The following SLC5A11 variants were observed in gnomAD, a reference collection of about 807,000 sequenced individuals.
SLC5A11 encodes the protein solute carrier family 5 member 11.
SLC5A11 carries 48 observed loss-of-function variants against 69.8 expected under a neutral mutation model. The observed-to-expected ratio is 0.69, with a 90% CI of 0.55 to 0.87. The LOEUF (loss-of-function observed/expected upper bound fraction) is 0.87. Ranked by LOEUF, SLC5A11 falls within the 40% of genes least tolerant of loss-of-function variation. The pLI is 0.00. For missense variants in SLC5A11, 784 were observed against 866.1 expected (o/e 0.91, Z 1.19); for synonymous variants, 319 against 342.4 (o/e 0.93, Z 0.75).
intron 4 of SLC5A11, among the ~76,000 whole-genome samples, chr16:24,870,781 CAAAAAAAAAAAA>C (rs57742222): frequency 1.5e-5 from 1 of 66,548 alleles, no homozygotes; most frequent in Non-Finnish European, 2.7e-5. Context: ...CTCTGTCTCA[CAAAAAAAAAAAA>C]AAAAAAAAAA....
At chr16:24,895,574 A>AGGGAGGGAAGGGAAAAGGAG (rs2049101637) in intron 9 of SLC5A11, among the ~76,000 whole-genome samples, 1 of 103,964 alleles carries the variant, frequency 9.6e-6, no homozygotes, top group Non-Finnish European at 1.9e-5. Context: ...GGGGAGGGGA[A>AGGGAGGGAAGGGAAAAGGAG]GGGAGGGAAG....
intron 8 of SLC5A11, among the ~76,000 whole-genome samples, chr16:24,890,044 A>G (rs1195204074): frequency 2.0e-5 from 3 of 152,204 alleles, no homozygotes; most frequent in African/African-American, 4.8e-5. Flanking sequence ...AGGCAGATTA[A>G]TAGAAGAAAA....
chr16:24,856,964 G>A (rs2059562776), intron 1 of SLC5A11, among the ~76,000 whole-genome samples: 1 of 151,932 alleles, frequency 6.6e-6, no homozygotes, highest in Admixed American at 6.6e-5. Context: ...GGGACTACAG[G>A]CATGCGCCAC....
At chr16:24,910,211 G>C (rs896939623) in intron 14 of SLC5A11, 95 bp from the exon 16 acceptor site, 2 of 1,293,026 alleles carry the variant, frequency 1.5e-6, no homozygotes, top group Non-Finnish European at 2.2e-6. Flanking sequence ...AGACACAAAG[G>C]CTGAGTGTGG....
At chr16:24,884,112 G>A (rs759987745) in exon 8 of SLC5A11, 25 of 1,613,908 alleles carry the variant, frequency 1.5e-5, no homozygotes, top group South Asian at 4.4e-5. Flanking sequence ...TTATAGGAGC[G>A]CTCACCTTGA....
At chr16:24,877,180 C>A in intron 6 of SLC5A11, 78 bp from the exon 8 acceptor site, 1 of 1,580,978 alleles carries the variant, frequency 6.3e-7, no homozygotes. Context: ...GCCCTGATCC[C>A]AGGGAACCTG....
intron 10 of SLC5A11, among the ~76,000 whole-genome samples, chr16:24,905,342 G>A (rs866767113): frequency 1.6e-4 from 24 of 151,388 alleles, no homozygotes; most frequent in Admixed American, 2.6e-4. Flanking sequence ...AGGCTAGGAG[G>A]CTTAGGCAGG....
chr16:24,884,168 G>C, intron 8 of SLC5A11, 37 bp downstream of exon 9: 1 of 1,589,318 alleles, frequency 6.3e-7, no homozygotes. Flanking sequence ...GCGGACAACA[G>C]CACCTCTCTC....
chr16:24,891,059 C>T (rs2048767407), exon 9 of SLC5A11: 3 of 1,613,958 alleles, frequency 1.9e-6, no homozygotes, highest in African/African-American at 1.3e-5. Flanking sequence ...CCCTCTGGTA[C>T]TGGTGCACGG....
At chr16:24,883,926 C>A in intron 7 of SLC5A11, 125 bp from the exon 9 acceptor site, 1 of 794,542 alleles carries the variant, frequency 1.3e-6, no homozygotes, top group Non-Finnish European at 2.1e-6. Flanking sequence ...TCGTGGCCAT[C>A]TTTGCAATCA....
intron 5 of SLC5A11, 131 bp downstream of exon 6, chr16:24,872,350 C>G: frequency 9.6e-7 from 1 of 1,045,340 alleles, no homozygotes; most frequent in South Asian, 1.3e-5. Flanking sequence ...ACTCAGAGGC[C>G]CCAGTAAAGG....
chr16:24,898,841 G>C (rs1161626259), intron 10 of SLC5A11, among the ~76,000 whole-genome samples: 1 of 151,906 alleles, frequency 6.6e-6, no homozygotes, highest in Non-Finnish European at 1.5e-5. Flanking sequence ...TTTAAAGACA[G>C]GGTCTCACTT....
chr16:24,907,192 T>G lies in SLC5A11; in HGVS notation c.1265+17T>G, dbSNP rs765327540. ...TGTGGGCAGGTAAGTCCCCACTGGG[T>G]GGGGCTGGGGCAGGGGGAAGAGAGA... On this transcript the variant is annotated intron_variant, in intron 12 of 15. Transcript: ENST00000347898. The G allele has an allele frequency of 6.2e-7, 1 of 1,612,936 alleles. No homozygotes were observed. Among genetic ancestry groups the G allele is most frequent in the Admixed American group, 1.7e-5 (1 of 59,860 alleles).
intron 7 of SLC5A11, among the ~76,000 whole-genome samples, chr16:24,882,947 A>G (rs7186357): frequency 0.43 from 65,748 of 152,066 alleles, 14,755 homozygotes; most frequent in African/African-American, 0.55. Flanking sequence ...TTCCCAGCCC[A>G]TTTCGAAGAT....
At chr16:24,877,847 G>A (rs1225310478) in intron 7 of SLC5A11, among the ~76,000 whole-genome samples, 1 of 152,230 alleles carries the variant, frequency 6.6e-6, no homozygotes, top group Non-Finnish European at 1.5e-5. Flanking sequence ...AGCCAGGCAT[G>A]ATGGCCCGTG....
At position 24,877,406 on chromosome 16, in the gene SLC5A11, A is replaced by G. The variant is rs373831827; in HGVS notation, c.583+43A>G. 5.4e-5 allele frequency: 81 copies of G among 1,496,274 alleles called. 1 individual carries two copies. In the African/African-American group the frequency reaches 9.7e-4, roughly 18 times the overall value. The allele number at this position is 1,496,274 out of a possible 1,614,324, so 92.7% of individuals were successfully genotyped here. On this transcript the variant is annotated intron_variant, in intron 7 of 15. Coordinates refer to ENST00000347898, the Ensembl canonical transcript of SLC5A11. ...GTAACACCTAGCAGAGGCAGTGGGC[A>G]GGGGCTGTGGGCCACTCTACCTTCT...
chr16:24,905,541 G>A (rs1166757090), intron 10 of SLC5A11, among the ~76,000 whole-genome samples: 6 of 151,858 alleles, frequency 4.0e-5, no homozygotes. Flanking sequence ...TGGGAGGCTG[G>A]AGCCTGTGAG....
At chr16:24,896,296 T>C in intron 9 of SLC5A11, among the ~76,000 whole-genome samples, 1 of 152,034 alleles carries the variant, frequency 6.6e-6, no homozygotes, top group Non-Finnish European at 1.5e-5. Context: ...ACCAGCCTCC[T>C]CAATATAGCA....
intron 10 of SLC5A11, among the ~76,000 whole-genome samples, chr16:24,903,189 T>G (rs1213148006): frequency 2.3e-5 from 3 of 130,376 alleles, no homozygotes; most frequent in East Asian, 2.0e-4. Context: ...GGGACATCTG[T>G]TTTTTTTTTT....
Sources: gnomAD v4.1 joint callset for allele counts (sites outside exome capture counted in the v4.1 genomes callset) on GRCh38, gnomAD v4.1.1 for gene constraint, MANE v1.5 for transcripts, NCBI Gene and HGNC (gene_info 2026-07-23, HGNC 2026-07-21) for gene names.